Variants in FAT3 observed in about 807,000 individuals in gnomAD.
FAT3 encodes protocadherin Fat 3.
A neutral mutation model predicts 310.2 loss-of-function variants in FAT3; 95 were observed. The observed-to-expected ratio is 0.31, with a 90% CI of 0.26 to 0.36. FAT3 has a LOEUF of 0.36. Among genes scored for constraint, FAT3 ranks in the 10% least tolerant of loss-of-function variants. The pLI is 1.00. For synonymous variants in FAT3, 2,314 were observed against 2,192.9 expected (o/e 1.06, Z -1.54); for missense variants, 5,408 against 5,715.6 (o/e 0.95, Z 1.74).
chr11:92,551,290 G>A (rs1954807226), intron 3 of FAT3, among the ~76,000 whole-genome samples: 1 of 151,994 alleles, frequency 6.6e-6, no homozygotes, highest in South Asian at 2.1e-4. Context: ...TCTACTCTGG[G>A]AAAACTATTC....
intron 2 of FAT3, among the ~76,000 whole-genome samples, chr11:92,455,945 A>T (rs548803305): frequency 1.3e-5 from 2 of 152,310 alleles, no homozygotes; most frequent in African/African-American, 4.8e-5. Context: ...CATAAATAAG[A>T]CCAAATAAAT....
At chr11:92,527,137 C>T (rs1953893299) in intron 3 of FAT3, among the ~76,000 whole-genome samples, 1 of 152,084 alleles carries the variant, frequency 6.6e-6, no homozygotes, top group Non-Finnish European at 1.5e-5. Context: ...GAGGAAGTCA[C>T]ATTTGGAGTT....
chr11:92,521,615 ATCT>A (rs1416032617), intron 2 of FAT3, among the ~76,000 whole-genome samples: 1 of 152,166 alleles, frequency 6.6e-6, no homozygotes, highest in African/African-American at 2.4e-5. Context: ...TGGGTTGAAC[ATCT>A]TCTCTATGGT....
intron 2 of FAT3, among the ~76,000 whole-genome samples, chr11:92,487,640 A>C (rs1028141470): frequency 6.6e-6 from 1 of 152,252 alleles, no homozygotes; most frequent in Non-Finnish European, 1.5e-5. Context: ...GCATAAGGTT[A>C]AGTAACTTGC....
chr11:92,384,880 C>T (rs1180174833), intron 2 of FAT3, among the ~76,000 whole-genome samples: 1 of 152,166 alleles, frequency 6.6e-6, no homozygotes, highest in Non-Finnish European at 1.5e-5. Context: ...TTTAGTTATT[C>T]ATAAAGCTTG....
Position 92,851,924 on chromosome 11 carries a change from G to T in FAT3, c.11366-5290G>T, listed in dbSNP as rs190106037. 2.2e-3 allele frequency among the ~76,000 whole-genome samples: 334 copies of T among 152,278 alleles called. 3 individuals carry two copies. The highest frequency in any genetic ancestry group is 7.7e-3 in the African/African-American group (320 of 41,552). Reference sequence around the variant, plus strand: ...TGCCACCAGAGAGGGGGTCTTTAAGGCTCTTAACAATAACAGGTGTATACA... The same window carrying T: ...TGCCACCAGAGAGGGGGTCTTTAAGTCTCTTAACAATAACAGGTGTATACA... On this transcript the variant is annotated intron_variant, in intron 19 of 27. Transcript: ENST00000525166.
At chr11:92,613,881 C>T (rs1384028947) in intron 3 of FAT3, among the ~76,000 whole-genome samples, 1 of 152,180 alleles carries the variant, frequency 6.6e-6, no homozygotes, top group Non-Finnish European at 1.5e-5. Flanking sequence ...ACATTTTACC[C>T]ATTATCAGTC....
chr11:92,774,591 T>C (rs544067484), intron 7 of FAT3, among the ~76,000 whole-genome samples: 47 of 152,286 alleles, frequency 3.1e-4, no homozygotes, highest in African/African-American at 1.0e-3. Context: ...AGAGTCCAAA[T>C]TCATTTATAG....
Position 92,800,520 on chromosome 11 carries a change from G to A in FAT3, c.7507G>A (p.Ala2503Thr), listed in dbSNP as rs1264757807. 6.8e-6 allele frequency: 11 copies of A among 1,613,846 alleles called. No homozygotes were observed. Among genetic ancestry groups the A allele is most frequent in the Non-Finnish European group, 9.3e-6 (11 of 1,179,890 alleles). Residue 2503 changes from alanine to threonine, a missense_variant, in exon 10 of 28, where the codon GCT becomes ACT. By Grantham distance (58) the Ala-to-Thr change is moderately conservative (BLOSUM62 0). Transcript: ENST00000525166. ...SPAFSQSTYV[A>T]EVRENVAAGT... The stretch of plus-strand genomic sequence containing the variant: ...TGCCTTTTCACAAAGCACATACGTA[G>A]CTGAGGTGAGAGAGAACGTGGCTGC...
At chr11:92,842,030 A>C (rs527970453) in intron 18 of FAT3, among the ~76,000 whole-genome samples, 1 of 152,268 alleles carries the variant, frequency 6.6e-6, no homozygotes, top group South Asian at 2.1e-4. Context: ...TGTTTTTAGC[A>C]TTGAAGTTTT....
chr11:92,450,982 T>C (rs1341339137), intron 2 of FAT3, among the ~76,000 whole-genome samples: 2 of 152,196 alleles, frequency 1.3e-5, no homozygotes, highest in Non-Finnish European at 2.9e-5. Flanking sequence ...AGTTTCAAGA[T>C]AATTTTCCCA....
chr11:92,492,045 T>C (rs1177015657), intron 2 of FAT3, among the ~76,000 whole-genome samples: 1 of 152,076 alleles, frequency 6.6e-6, no homozygotes, highest in Non-Finnish European at 1.5e-5. Context: ...AGTAATATAG[T>C]GGTACTCAGT....
chr11:92,270,219 G>GT (rs1946086262), intron 1 of FAT3, among the ~76,000 whole-genome samples: 2 of 152,026 alleles, frequency 1.3e-5, no homozygotes, highest in Admixed American at 6.5e-5. Context: ...CCTTGCCCTG[G>GT]TTTTCCTCCC....
At chr11:92,694,668 T>C (rs916720232) in intron 3 of FAT3, among the ~76,000 whole-genome samples, 2 of 152,102 alleles carry the variant, frequency 1.3e-5, no homozygotes, top group African/African-American at 4.8e-5. Context: ...GGAGCACCTG[T>C]GATGATAGAG....
chr11:92,435,013 C>T (rs1252002166), intron 2 of FAT3, among the ~76,000 whole-genome samples: 2 of 152,104 alleles, frequency 1.3e-5, no homozygotes, highest in African/African-American at 4.8e-5. Flanking sequence ...GGAAGAGTTC[C>T]GTGGTGGCAG....
chr11:92,568,526 A>G (rs1462738532), intron 3 of FAT3, among the ~76,000 whole-genome samples: 1 of 152,176 alleles, frequency 6.6e-6, no homozygotes, highest in Non-Finnish European at 1.5e-5. Context: ...CTTAGACCCT[A>G]GTACACAAAA....
intron 4 of FAT3, among the ~76,000 whole-genome samples, chr11:92,723,315 A>G (rs896841152): frequency 3.3e-5 from 5 of 152,168 alleles, no homozygotes; most frequent in Admixed American, 6.5e-5. Context: ...AAAACATAAC[A>G]AGAGTCACCT....
chr11:92,247,934 A>G (rs1282351436), intron 1 of FAT3, among the ~76,000 whole-genome samples: 1 of 151,996 alleles, frequency 6.6e-6, no homozygotes, highest in Non-Finnish European at 1.5e-5. Context: ...CTACCTGTGA[A>G]TGGCTACTGT....
At chr11:92,552,010 C>T (rs1954837432) in intron 3 of FAT3, among the ~76,000 whole-genome samples, 1 of 152,178 alleles carries the variant, frequency 6.6e-6, no homozygotes, top group Non-Finnish European at 1.5e-5. Context: ...GCATATATAA[C>T]CACAGACATC....
Sources: gnomAD v4.1 joint callset for allele counts (sites outside exome capture counted in the v4.1 genomes callset) on GRCh38, gnomAD v4.1.1 for gene constraint, MANE v1.5 for transcripts, NCBI Gene and HGNC (gene_info 2026-07-23, HGNC 2026-07-21) for gene names.